TNIK: variants seen among roughly 807,000 people sequenced by gnomAD.
TNIK encodes the protein TRAF2 and NCK-interacting protein kinase.
TNIK carries 49 observed loss-of-function variants against 191.3 expected under a neutral mutation model. That is an observed-to-expected ratio of 0.26 (90% CI 0.20 to 0.32). TNIK has a LOEUF of 0.32. Ranked by LOEUF, TNIK falls within the 10% of genes least tolerant of loss-of-function variation. The pLI is 1.00. For synonymous variants in TNIK, 594 were observed against 600.9 expected, an observed-to-expected ratio of 0.99 and a Z score of 0.17; for missense variants, 1,155 against 1,702.3, an observed-to-expected ratio of 0.68 and a Z score of 5.66.
chr3:171,143,927 G>C (rs1296397273), intron 12 of TNIK, among the ~76,000 whole-genome samples: 1 of 152,150 alleles, frequency 6.6e-6, no homozygotes, highest in Non-Finnish European at 1.5e-5. Flanking sequence ...CCTACAGTTG[G>C]CACTGGAATG....
At chr3:171,389,670 T>C (rs1370693989) in intron 1 of TNIK, among the ~76,000 whole-genome samples, 2 of 152,108 alleles carry the variant, frequency 1.3e-5, no homozygotes, top group Non-Finnish European at 2.9e-5. Context: ...AGGAGATTCT[T>C]TTAGGAAGAT....
intron 15 of TNIK, among the ~76,000 whole-genome samples, chr3:171,136,486 A>G (rs889690783): frequency 5.9e-5 from 9 of 152,138 alleles, no homozygotes; most frequent in South Asian, 4.1e-4. Flanking sequence ...AGATCTCACT[A>G]TGGTCCTCAA....
At chr3:171,347,392 C>CACACACACAA (rs1712404504) in intron 2 of TNIK, among the ~76,000 whole-genome samples, 1 of 7,068 alleles carries the variant, frequency 1.4e-4, no homozygotes, top group Non-Finnish European at 5.2e-4. Flanking sequence ...AAGTGCCTAT[C>CACACACACAA]ACACACACAC....
At chr3:171,235,762 T>TTTTGG in intron 2 of TNIK, among the ~76,000 whole-genome samples, 1 of 123,388 alleles carries the variant, frequency 8.1e-6, no homozygotes, top group African/African-American at 2.9e-5. Context: ...TTTTGTTTTG[T>TTTTGG]TTTGGTGGGG....
chr3:171,306,660 A>G (rs1753488680), intron 2 of TNIK, among the ~76,000 whole-genome samples: 3 of 152,188 alleles, frequency 2.0e-5, no homozygotes, highest in African/African-American at 7.2e-5. Flanking sequence ...CAACAAAATT[A>G]TATTTGGATT....
At chr3:171,334,595 C>T (rs994518146) in intron 2 of TNIK, among the ~76,000 whole-genome samples, 5 of 152,178 alleles carry the variant, frequency 3.3e-5, no homozygotes, top group African/African-American at 1.2e-4. Flanking sequence ...AATCAAGCTA[C>T]CTTCTGGCTC....
At chr3:171,395,450 T>C (rs932889104) in intron 1 of TNIK, among the ~76,000 whole-genome samples, 3 of 152,200 alleles carry the variant, frequency 2.0e-5, no homozygotes, top group Admixed American at 6.5e-5. Context: ...ATTACAACTA[T>C]TAATAACATC....
At chr3:171,413,462 T>G (rs1722655400) in intron 1 of TNIK, among the ~76,000 whole-genome samples, 1 of 152,162 alleles carries the variant, frequency 6.6e-6, no homozygotes, top group Non-Finnish European at 1.5e-5. Context: ...CATAAACATC[T>G]TGCTCATTCC....
intron 1 of TNIK, among the ~76,000 whole-genome samples, chr3:171,426,461 G>A (rs927035263): frequency 4.0e-5 from 6 of 150,764 alleles, no homozygotes; most frequent in Admixed American, 2.0e-4. Context: ...TGTAAATGAC[G>A]AGTTAATGGG....
chr3:171,397,724 C>T (rs1427083071), intron 1 of TNIK, among the ~76,000 whole-genome samples: 3 of 152,136 alleles, frequency 2.0e-5, no homozygotes, highest in African/African-American at 7.2e-5. Context: ...TATACAGAGG[C>T]TTGTATATTA....
At chr3:171,276,388 G>A (rs2109223467) in intron 2 of TNIK, among the ~76,000 whole-genome samples, 1 of 152,170 alleles carries the variant, frequency 6.6e-6, no homozygotes, top group East Asian at 1.9e-4. Flanking sequence ...GGAACCTGTG[G>A]AGGAGGGGCT....
chr3:171,180,770 C>A (rs551648804), intron 7 of TNIK, among the ~76,000 whole-genome samples: 1 of 152,308 alleles, frequency 6.6e-6, no homozygotes, highest in Non-Finnish European at 1.5e-5. Context: ...TCTCTTTTAA[C>A]TAGCATCACA....
chr3:171,158,973 C>T (rs1443543583), intron 11 of TNIK, among the ~76,000 whole-genome samples: 1 of 152,076 alleles, frequency 6.6e-6, no homozygotes, highest in African/African-American at 2.4e-5. Context: ...CTTCCCAGAG[C>T]AGAGTGAATG....
rs531046864 is a variant in TNIK at position 171,108,746 on chromosome 3, A to G, written c.2285-584T>C. 8.5e-5 allele frequency among the ~76,000 whole-genome samples: 13 copies of G among 152,298 alleles called. No homozygotes were observed. In the South Asian group the frequency reaches 2.7e-3, roughly 32 times the overall value. Reference sequence around the variant, plus strand: ...ATTTTATTTGGTGGAACGGTTTTTAATTGGAGATGGGAGTGGTCTCAGCCC... The same window carrying G: ...ATTTTATTTGGTGGAACGGTTTTTAGTTGGAGATGGGAGTGGTCTCAGCCC... On this transcript the variant is annotated intron_variant, in intron 19 of 32. Transcript: ENST00000436636.
At chr3:171,092,176 C>CTGATCTCG (rs1472685321) in intron 23 of TNIK, among the ~76,000 whole-genome samples, 2 of 152,056 alleles carry the variant, frequency 1.3e-5, no homozygotes, top group African/African-American at 4.8e-5. Context: ...TCTCGATCTC[C>CTGATCTCG]TGATCTCGTG....
At chr3:171,222,093 C>A (rs186108386) in intron 3 of TNIK, among the ~76,000 whole-genome samples, 1 of 152,230 alleles carries the variant, frequency 6.6e-6, no homozygotes, top group African/African-American at 2.4e-5. Context: ...AAAACTGTGG[C>A]TCAGAAAAGT....
At chr3:171,370,932 A>G (rs1412067472) in intron 1 of TNIK, among the ~76,000 whole-genome samples, 1 of 152,136 alleles carries the variant, frequency 6.6e-6, no homozygotes, top group Non-Finnish European at 1.5e-5. Flanking sequence ...GAGCAATGCC[A>G]TATATTATTA....
At chr3:171,245,087 AAAGAAGACTG>A (rs1213483558) in intron 2 of TNIK, among the ~76,000 whole-genome samples, 2 of 152,318 alleles carry the variant, frequency 1.3e-5, no homozygotes, top group East Asian at 3.9e-4. Context: ...TGATTGGAAA[AAAGAAGACTG>A]AATAAAGGAT....
At chr3:171,064,184 T>A (rs1252764737) in intron 32 of TNIK, 4 of 504,274 alleles carry the variant, frequency 7.9e-6, no homozygotes, top group Non-Finnish European at 1.4e-5. Flanking sequence ...GTGGTATTGG[T>A]CTCCAGAGAT....
Sources: allele counts gnomAD v4.1 joint callset (sites outside exome capture counted in the v4.1 genomes callset), GRCh38; gene constraint gnomAD v4.1.1; transcripts MANE v1.5; gene names NCBI Gene and HGNC (gene_info 2026-07-23, HGNC 2026-07-21).